The following SPRED2 variants were observed in gnomAD, a reference collection of about 807,000 sequenced individuals.
The protein encoded by SPRED2 is sprouty related EVH1 domain containing 2.
A neutral mutation model predicts 43.0 loss-of-function variants in SPRED2; 47 were observed. The observed-to-expected ratio is 1.09, with a 90% confidence interval of 0.87 to 1.40. The LOEUF is 1.40. Among genes scored for constraint, SPRED2 ranks in the 40% most tolerant of loss-of-function variants. SPRED2 has a pLI of 0.00. For synonymous variants in SPRED2, 225 were observed against 225.7 expected, an observed-to-expected ratio of 1.00 and a Z score of 0.03; for missense variants, 561 against 586.4, an observed-to-expected ratio of 0.96 and a Z score of 0.45.
intron 1 of SPRED2, among the ~76,000 whole-genome samples, chr2:65,401,006 C>T (rs1318715271): frequency 2.0e-5 from 3 of 152,086 alleles, no homozygotes; most frequent in South Asian, 2.1e-4. Flanking sequence ...CTCACTCTGT[C>T]GCCTAGGCTG....
intron 1 of SPRED2, among the ~76,000 whole-genome samples, chr2:65,368,997 C>T (rs530627344): frequency 4.6e-5 from 7 of 152,242 alleles, no homozygotes; most frequent in Admixed American, 1.3e-4. Context: ...ATAGCCTGAA[C>T]CTGGGAGGCT....
At chr2:65,362,858 C>CA (rs113411208) in intron 1 of SPRED2, among the ~76,000 whole-genome samples, 246 of 141,522 alleles carry the variant, frequency 1.7e-3, no homozygotes, top group African/African-American at 5.3e-3. Context: ...AACTCCATTT[C>CA]AAAAAAAAAA....
At chr2:65,389,611 T>A (rs894955058) in intron 1 of SPRED2, among the ~76,000 whole-genome samples, 2 of 152,236 alleles carry the variant, frequency 1.3e-5, no homozygotes, top group African/African-American at 4.8e-5. Flanking sequence ...GTAGATGTGG[T>A]GCTTCTACCT....
intron 2 of SPRED2, among the ~76,000 whole-genome samples, chr2:65,343,106 C>T (rs1674240827): frequency 6.6e-6 from 1 of 152,164 alleles, no homozygotes; most frequent in Admixed American, 6.5e-5. Flanking sequence ...TCTTCAATTA[C>T]AATTATACAG....
chr2:65,429,122 GAA>G (rs1384156309), intron 1 of SPRED2, among the ~76,000 whole-genome samples: 1 of 152,086 alleles, frequency 6.6e-6, no homozygotes, highest in Non-Finnish European at 1.5e-5. Context: ...AATTGACATG[GAA>G]AACAACATTA....
At position 65,344,833 on chromosome 2, in the gene SPRED2, C is replaced by A. The variant is rs1674298863; in HGVS notation, c.90G>T (p.Trp30Cys). The A allele has an allele frequency of 6.2e-7, 1 of 1,614,064 alleles. No individual in the cohort carries two copies. The highest frequency in any genetic ancestry group is 8.5e-7 in the Non-Finnish European group (1 of 1,180,046). The change falls in exon 2 of 6, where the codon TGG becomes TGT. Residue 30 changes from tryptophan to cysteine, a missense_variant. Physicochemically the swap from Trp to Cys is radical, Grantham distance 215. Coordinates refer to ENST00000356388, the MANE Select transcript of SPRED2 (RefSeq NM_181784.3). Reference sequence around the variant, plus strand: ...TGATCCCGCCTCCTTCCTGTGGGAACCATCCCCCGCTGGAGTCATCTCTGG... The same window carrying A: ...TGATCCCGCCTCCTTCCTGTGGGAAACATCCCCCGCTGGAGTCATCTCTGG... The part of the protein sequence containing the change: ...VMTRDDSSGG[W>C]FPQEGGGISR...
intron 1 of SPRED2, among the ~76,000 whole-genome samples, chr2:65,408,762 G>A (rs1042706002): frequency 5.3e-5 from 8 of 152,190 alleles, no homozygotes; most frequent in African/African-American, 1.7e-4. Context: ...TGTATTTTTA[G>A]TAGAGATGGG....
chr2:65,394,395 C>T (rs565757921), intron 1 of SPRED2, among the ~76,000 whole-genome samples: 1 of 152,334 alleles, frequency 6.6e-6, no homozygotes, highest in African/African-American at 2.4e-5. Context: ...ATAGAGGCAG[C>T]TGTGAATGGA....
At chr2:65,391,197 C>CAG (rs1675628693) in intron 1 of SPRED2, among the ~76,000 whole-genome samples, 1 of 81,092 alleles carries the variant, frequency 1.2e-5, no homozygotes, top group South Asian at 6.8e-4. Flanking sequence ...TTAATGTGTA[C>CAG]ACACACACAC....
At chr2:65,364,758 A>G (rs1041779005) in intron 1 of SPRED2, among the ~76,000 whole-genome samples, 5 of 152,176 alleles carry the variant, frequency 3.3e-5, no homozygotes, top group East Asian at 3.8e-4. Flanking sequence ...ATCATTTACC[A>G]TAGGCCTCAA....
At chr2:65,336,991 C>T (rs1408700534) in intron 2 of SPRED2, among the ~76,000 whole-genome samples, 1 of 152,078 alleles carries the variant, frequency 6.6e-6, no homozygotes, top group Non-Finnish European at 1.5e-5. Flanking sequence ...ACCTGTAGTC[C>T]CAGCTACTAG....
intron 1 of SPRED2, among the ~76,000 whole-genome samples, chr2:65,369,732 G>A (rs1036406373): frequency 1.5e-4 from 23 of 152,360 alleles, no homozygotes; most frequent in African/African-American, 5.3e-4. Flanking sequence ...CAGCTGAGGA[G>A]CCTGCACCTG....
intron 4 of SPRED2, among the ~76,000 whole-genome samples, chr2:65,322,970 T>C (rs1019466621): frequency 9.9e-5 from 15 of 152,192 alleles, no homozygotes; most frequent in Non-Finnish European, 4.4e-5. Context: ...TTTCACTAAA[T>C]ATGCCTTACT....
At chr2:65,427,442 C>A (rs1224669306) in intron 1 of SPRED2, among the ~76,000 whole-genome samples, 12 of 152,078 alleles carry the variant, frequency 7.9e-5, no homozygotes, top group Admixed American at 5.2e-4. Flanking sequence ...TAGAACCATA[C>A]CCCCTGGTAG....
At chr2:65,391,910 T>C (rs1253803053) in intron 1 of SPRED2, among the ~76,000 whole-genome samples, 1 of 152,214 alleles carries the variant, frequency 6.6e-6, no homozygotes, top group East Asian at 1.9e-4. Context: ...TTGAAATTTG[T>C]AGGGTTAAAT....
rs1433693855 is a variant in SPRED2, at chr2:65,312,997, C to T, written c.*504G>A. The T allele has an allele frequency of 1.0e-6, 1 of 985,890 alleles. No homozygotes were observed. Among genetic ancestry groups the T allele is most frequent in the Non-Finnish European group, 1.2e-6 (1 of 830,352 alleles). 61.1% of individuals were successfully genotyped at this position (985,890 alleles called of 1,614,324 possible). ...TGACTGCAGGCTGAGATACTTCTGT[C>T]GGGTTTCATCATTCTCACATCCCAT... On this transcript the variant is annotated 3_prime_UTR_variant, in exon 6 of 6. Coordinates refer to ENST00000356388, the MANE Select transcript of SPRED2 (RefSeq NM_181784.3).
At chr2:65,398,275 C>G (rs268126) in intron 1 of SPRED2, among the ~76,000 whole-genome samples, 3,264 of 152,184 alleles carry the variant, frequency 0.021, 54 homozygotes, top group Middle Eastern at 0.034. Context: ...GGCTTGAAAC[C>G]AAAAAGATTT....
chr2:65,409,707 A>C (rs1248754294), intron 1 of SPRED2, among the ~76,000 whole-genome samples: 1 of 151,696 alleles, frequency 6.6e-6, no homozygotes, highest in East Asian at 1.9e-4. Flanking sequence ...AAAAAAAAAA[A>C]AAAAAAGAAT....
At chr2:65,377,078 T>C (rs1225415777) in intron 1 of SPRED2, among the ~76,000 whole-genome samples, 1 of 152,194 alleles carries the variant, frequency 6.6e-6, no homozygotes, top group East Asian at 1.9e-4. Flanking sequence ...TATTCCACTA[T>C]AGGGATGTAC....
Sources: allele counts gnomAD v4.1 joint callset (sites outside exome capture counted in the v4.1 genomes callset), GRCh38; gene constraint gnomAD v4.1.1; transcripts MANE v1.5; gene names NCBI Gene and HGNC (gene_info 2026-07-23, HGNC 2026-07-21).